Variants in DTD1 observed in about 807,000 individuals in gnomAD.
DTD1 encodes the protein D-tyrosyl-tRNA deacylase 1 homolog.
DTD1 carries 13 observed loss-of-function variants against 25.6 expected under a neutral mutation model. The ratio of observed to expected loss-of-function variants is 0.51; its 90% CI spans 0.33 to 0.81. DTD1 has a LOEUF of 0.81. Among genes scored for constraint, DTD1 ranks in the 30% least tolerant of loss-of-function variants. DTD1 has a pLI of 0.02. For synonymous variants in DTD1, 110 were observed against 103.6 expected (o/e 1.06, Z -0.37); for missense variants, 193 against 266.4 (o/e 0.72, Z 1.92).
chr20:18,732,377 G>A (rs544628970), intron 4 of DTD1, among the ~76,000 whole-genome samples: 1 of 152,306 alleles, frequency 6.6e-6, no homozygotes, highest in South Asian at 2.1e-4. Flanking sequence ...TGCCGACAGG[G>A]TAATAGATGT....
chr20:18,620,844 C>T (rs1443005256), intron 3 of DTD1, among the ~76,000 whole-genome samples: 1 of 152,202 alleles, frequency 6.6e-6, no homozygotes, highest in Admixed American at 6.5e-5. Context: ...CCTCCTGCCT[C>T]TCAGCCTCCC....
At chr20:18,625,366 G>A (rs555510976) in intron 3 of DTD1, among the ~76,000 whole-genome samples, 1 of 152,340 alleles carries the variant, frequency 6.6e-6, no homozygotes, top group African/African-American at 2.4e-5. Context: ...AGAGCTACTG[G>A]TCTCTGCCTA....
At chr20:18,608,523 A>G (rs1182747775) in intron 3 of DTD1, among the ~76,000 whole-genome samples, 1 of 152,158 alleles carries the variant, frequency 6.6e-6, no homozygotes, top group African/African-American at 2.4e-5. Context: ...CTAGTTTCCT[A>G]TGAAAGAAAC....
chr20:18,701,610 C>T (rs369765108), intron 4 of DTD1, among the ~76,000 whole-genome samples: 4 of 152,190 alleles, frequency 2.6e-5, no homozygotes, highest in Admixed American at 6.5e-5. Context: ...TGAATGCACC[C>T]AGGGAGTCTG....
In DTD1 at chr20:18,670,830, A is replaced by G. The variant is rs569931649; in HGVS notation, c.477+42597A>G. ...TTCTGTACATCCAGACAGTGAAAAC[A>G]TTGTCATCATCATCAGTATCACCTA... is the stretch of plus-strand genomic sequence containing the variant. On this transcript the variant is annotated intron_variant, in intron 4 of 5. Transcript: ENST00000377452. 4.1e-4 allele frequency among the ~76,000 whole-genome samples: 62 copies of G among 152,350 alleles called. 1 individual carries two copies. The South Asian group carries it at 0.012, about 30-fold the overall frequency.
intron 4 of DTD1, among the ~76,000 whole-genome samples, chr20:18,722,571 A>C (rs1292164671): frequency 6.6e-6 from 1 of 152,138 alleles, no homozygotes; most frequent in Admixed American, 6.5e-5. Flanking sequence ...GCTTAGATGG[A>C]ATGTGTTTTT....
At chr20:18,701,340 G>T (rs1001645318) in intron 4 of DTD1, among the ~76,000 whole-genome samples, 1 of 152,350 alleles carries the variant, frequency 6.6e-6, no homozygotes, top group South Asian at 2.1e-4. Context: ...CCCCAATAAG[G>T]GGGGCATATA....
At chr20:18,599,876 GT>G (rs774926368) in intron 3 of DTD1, among the ~76,000 whole-genome samples, 3 of 152,088 alleles carry the variant, frequency 2.0e-5, no homozygotes, top group Non-Finnish European at 4.4e-5. Flanking sequence ...TTTTCTTACT[GT>G]GTTTTAAGAG....
At chr20:18,655,713 A>G (rs887174146) in intron 4 of DTD1, among the ~76,000 whole-genome samples, 1 of 152,130 alleles carries the variant, frequency 6.6e-6, no homozygotes, top group African/African-American at 2.4e-5. Context: ...ATTTCATTGA[A>G]TGGCCATATT....
In DTD1 at chr20:18,757,182, G is replaced by A. The variant is rs547040309; in HGVS notation, c.*20-6178G>A. On this transcript the variant is annotated intron_variant, in intron 5 of 5. Transcript: ENST00000377452. ...AAGGAGATTTTGGGCTGACATGATG[G>A]GGTTTTCTAGATATACAATTCATGT... Among the ~76,000 whole-genome samples, 3 of 152,270 alleles carry A rather than the reference G, an allele frequency of 2.0e-5. No homozygotes were observed. In the South Asian group the frequency reaches 6.2e-4, roughly 32 times the overall value.
chr20:18,754,468 G>A (rs1884788), intron 5 of DTD1, among the ~76,000 whole-genome samples: 134,656 of 152,238 alleles, frequency 0.88, 59,784 homozygotes, highest in Non-Finnish European at 0.93. Context: ...ACGCACATGC[G>A]TTTGGAAATA....
At chr20:18,706,727 G>C (rs1013973167) in intron 4 of DTD1, among the ~76,000 whole-genome samples, 2 of 152,192 alleles carry the variant, frequency 1.3e-5, no homozygotes, top group Admixed American at 6.5e-5. Flanking sequence ...AGATCAAGTG[G>C]AGTTTATTTC....
At chr20:18,689,847 T>A (rs971358495) in intron 4 of DTD1, among the ~76,000 whole-genome samples, 2 of 11,168 alleles carry the variant, frequency 1.8e-4, no homozygotes, top group Non-Finnish European at 8.3e-4. Context: ...TAAGTTTAAA[T>A]TTAAGCCGGG....
intron 4 of DTD1, among the ~76,000 whole-genome samples, chr20:18,646,349 C>T (rs938788280): frequency 1.6e-4 from 25 of 152,032 alleles, no homozygotes; most frequent in African/African-American, 5.6e-4. Flanking sequence ...GCTTGTGGGC[C>T]GCATCTCAAG....
At chr20:18,734,540 A>C (rs1465122969) in intron 4 of DTD1, among the ~76,000 whole-genome samples, 2 of 152,218 alleles carry the variant, frequency 1.3e-5, no homozygotes, top group African/African-American at 4.8e-5. Context: ...GTAGTGGTGG[A>C]AAGTTGCCTT....
chr20:18,654,462 A>T (rs1371989742), intron 4 of DTD1, among the ~76,000 whole-genome samples: 1 of 152,346 alleles, frequency 6.6e-6, no homozygotes, highest in East Asian at 1.9e-4. Flanking sequence ...GGACTAATGC[A>T]GTGGCACTGG....
intron 4 of DTD1, among the ~76,000 whole-genome samples, chr20:18,678,206 G>A (rs1389644069): frequency 1.3e-5 from 2 of 152,256 alleles, no homozygotes. Flanking sequence ...ATAGCCTCAG[G>A]TTGATCAGCA....
chr20:18,712,606 A>G (rs1273563833), intron 4 of DTD1, among the ~76,000 whole-genome samples: 1 of 152,172 alleles, frequency 6.6e-6, no homozygotes, highest in Non-Finnish European at 1.5e-5. Flanking sequence ...GACACATGCC[A>G]TAAATTAAGG....
At chr20:18,607,993 CG>C in intron 3 of DTD1, among the ~76,000 whole-genome samples, 1 of 152,276 alleles carries the variant, frequency 6.6e-6, no homozygotes, top group East Asian at 1.9e-4. Flanking sequence ...GGATTATAGG[CG>C]TTAGCCACTG....
Sources: gnomAD v4.1 joint callset for allele counts (sites outside exome capture counted in the v4.1 genomes callset) on GRCh38, gnomAD v4.1.1 for gene constraint, MANE v1.5 for transcripts, NCBI Gene and HGNC (gene_info 2026-07-23, HGNC 2026-07-21) for gene names.